Variants in SOX6 observed in about 807,000 individuals in gnomAD.
SOX6 encodes SRY-box transcription factor 6.
In SOX6, 11 loss-of-function variants were observed where a neutral mutation model predicts 97.8. The observed-to-expected ratio is 0.11, with a 90% CI of 0.07 to 0.19. The LOEUF (loss-of-function observed/expected upper bound fraction) is 0.19. Among genes scored for constraint, SOX6 ranks in the 10% least tolerant of loss-of-function variants. The pLI, the probability that SOX6 is intolerant of heterozygous loss-of-function variation, is 1.00. For missense variants in SOX6, 810 were observed against 1,039.5 expected (o/e 0.78, Z 3.04); for synonymous variants, 360 against 371.4 (o/e 0.97, Z 0.35).
intron 12 of SOX6, among the ~76,000 whole-genome samples, chr11:16,027,577 T>C (rs1379684411): frequency 2.0e-5 from 3 of 152,182 alleles, no homozygotes; most frequent in Non-Finnish European, 4.4e-5. Flanking sequence ...TAAACCCAAT[T>C]TTTAGTTCTT....
intron 3 of SOX6, among the ~76,000 whole-genome samples, chr11:16,706,449 CAAAAAAA>C (rs71047512): frequency 5.7e-3 from 14 of 2,448 alleles, no homozygotes; most frequent in South Asian, 0.033. Flanking sequence ...GAACCTATCA[CAAAAAAA>C]AAAAAAAAAA....
At chr11:16,282,017 C>A (rs1854579406) in intron 3 of SOX6, among the ~76,000 whole-genome samples, 1 of 146,076 alleles carries the variant, frequency 6.8e-6, no homozygotes, top group African/African-American at 2.6e-5. Context: ...ACACACACAC[C>A]CTTTTACTAA....
At chr11:16,303,987 G>A (rs1305171351) in intron 3 of SOX6, among the ~76,000 whole-genome samples, 1 of 152,012 alleles carries the variant, frequency 6.6e-6, no homozygotes, top group Non-Finnish European at 1.5e-5. Context: ...TGCGATCTCG[G>A]CTCACTGCAA....
chr11:16,097,048 C>A (rs1848815046), intron 8 of SOX6, among the ~76,000 whole-genome samples: 1 of 151,730 alleles, frequency 6.6e-6, no homozygotes, highest in South Asian at 2.1e-4. Flanking sequence ...ACTTTCCCCC[C>A]AAGTTTAGCT....
intron 15 of SOX6, among the ~76,000 whole-genome samples, chr11:15,979,622 C>T (rs572194212): frequency 6.6e-6 from 1 of 152,208 alleles, no homozygotes; most frequent in South Asian, 2.1e-4. Flanking sequence ...TTCCTACCTA[C>T]TCACTTTGCT....
intron 4 of SOX6, among the ~76,000 whole-genome samples, chr11:16,561,444 C>T (rs1847813769): frequency 6.6e-6 from 1 of 152,132 alleles, no homozygotes; most frequent in Non-Finnish European, 1.5e-5. Flanking sequence ...CTCATGACTT[C>T]ATTCAGTTGC....
intron 4 of SOX6, among the ~76,000 whole-genome samples, chr11:16,549,491 C>A (rs1309664205): frequency 6.6e-6 from 1 of 152,120 alleles, no homozygotes; most frequent in Non-Finnish European, 1.5e-5. Context: ...CACAATAGAG[C>A]CCATGCTGAT....
At chr11:16,410,729 AG>A (rs1255184696) in intron 1 of SOX6, among the ~76,000 whole-genome samples, 9 of 144,856 alleles carry the variant, frequency 6.2e-5, no homozygotes, top group Non-Finnish European at 3.0e-5. Flanking sequence ...ACTGCACTCT[AG>A]CCTGGGCAAC....
At chr11:16,283,038 T>C (rs1000234705) in intron 3 of SOX6, among the ~76,000 whole-genome samples, 1 of 136,554 alleles carries the variant, frequency 7.3e-6, no homozygotes, top group Non-Finnish European at 1.6e-5. Flanking sequence ...TATATATATA[T>C]ATATGTAAAT....
chr11:16,114,392 C>A (rs1230966059), intron 6 of SOX6, among the ~76,000 whole-genome samples: 1 of 152,122 alleles, frequency 6.6e-6, no homozygotes, highest in Non-Finnish European at 1.5e-5. Flanking sequence ...AATTATAATA[C>A]CTTACACAAT....
intron 4 of SOX6, among the ~76,000 whole-genome samples, chr11:16,575,350 G>A (rs1285377748): frequency 1.3e-5 from 2 of 152,160 alleles, no homozygotes; most frequent in South Asian, 4.1e-4. Flanking sequence ...TAGAAAAGAT[G>A]AAGATAGGCA....
At chr11:16,392,706 T>A (rs75827492) in intron 1 of SOX6, among the ~76,000 whole-genome samples, 2,415 of 152,172 alleles carry the variant, frequency 0.016, 63 homozygotes, top group African/African-American at 0.049. Flanking sequence ...CATGGTGAAG[T>A]CTAAAGTTCT....
At chr11:16,633,975 C>T (rs976429966) in intron 3 of SOX6, among the ~76,000 whole-genome samples, 1 of 152,194 alleles carries the variant, frequency 6.6e-6, no homozygotes, top group African/African-American at 2.4e-5. Flanking sequence ...ATTCAATCTA[C>T]AATTTCTTGA....
At chr11:16,036,421 A>G (rs1020870470) in intron 12 of SOX6, among the ~76,000 whole-genome samples, 1 of 152,154 alleles carries the variant, frequency 6.6e-6, no homozygotes, top group African/African-American at 2.4e-5. Flanking sequence ...GTGCTGACTA[A>G]TGGTCTTTCT....
At chr11:16,371,222 C>T (rs908183396) in intron 1 of SOX6, among the ~76,000 whole-genome samples, 2 of 152,044 alleles carry the variant, frequency 1.3e-5, no homozygotes, top group Non-Finnish European at 2.9e-5. Context: ...CACACTTCTA[C>T]CTCAGAGTCT....
At chr11:16,433,171 T>G (rs1183835518) in intron 1 of SOX6, among the ~76,000 whole-genome samples, 1 of 152,050 alleles carries the variant, frequency 6.6e-6, no homozygotes, top group African/African-American at 2.4e-5. Context: ...GAGGTAATAT[T>G]CTTGTCCTTT....
intron 3 of SOX6, among the ~76,000 whole-genome samples, chr11:16,248,190 G>T (rs1158952232): frequency 1.3e-5 from 2 of 152,110 alleles, no homozygotes; most frequent in African/African-American, 2.4e-5. Context: ...TGCCTCTGTG[G>T]CTTTGCAAGG....
intron 3 of SOX6, among the ~76,000 whole-genome samples, chr11:16,687,739 C>T (rs976979565): frequency 6.6e-6 from 1 of 152,014 alleles, no homozygotes; most frequent in African/African-American, 2.4e-5. Flanking sequence ...GCTTTGTTGC[C>T]CAAGCTGGTC....
chr11:16,037,360 G>T (rs1330730669), intron 12 of SOX6, among the ~76,000 whole-genome samples: 1 of 152,116 alleles, frequency 6.6e-6, no homozygotes. Context: ...TCCTTCCTCT[G>T]CATACTGTTT....
Sources: allele counts gnomAD v4.1 joint callset (sites outside exome capture counted in the v4.1 genomes callset), GRCh38; gene constraint gnomAD v4.1.1; transcripts MANE v1.5; gene names NCBI Gene and HGNC (gene_info 2026-07-23, HGNC 2026-07-21).